The following HIPK3 variants were observed in gnomAD, a reference collection of about 807,000 sequenced individuals.
The protein encoded by HIPK3 is homeodomain-interacting protein kinase 3.
In HIPK3, 47 loss-of-function variants were observed where a neutral mutation model predicts 124.2. That is an observed-to-expected ratio of 0.38 (90% CI 0.30 to 0.48). The LOEUF (loss-of-function observed/expected upper bound fraction) is 0.48, where lower values mean the gene tolerates loss of function less well. HIPK3 is among the 20% of genes least tolerant of loss of function. The pLI, the probability that HIPK3 is intolerant of heterozygous loss-of-function variation, is 0.98. For missense variants in HIPK3, 1,286 were observed against 1,454.3 expected (o/e 0.88, Z 1.88); for synonymous variants, 482 against 515.2 (o/e 0.94, Z 0.87).
intron 2 of HIPK3, among the ~76,000 whole-genome samples, chr11:33,290,400 AAGAATAGT>A (rs1475144883): frequency 6.6e-6 from 1 of 151,994 alleles, no homozygotes; most frequent in South Asian, 2.1e-4. Context: ...ACAGTATGAG[AAGAATAGT>A]AGTTTTTGTT....
intron 1 of HIPK3, among the ~76,000 whole-genome samples, chr11:33,283,867 G>C (rs1324272655): frequency 6.6e-6 from 1 of 151,856 alleles, no homozygotes; most frequent in Non-Finnish European, 1.5e-5. Flanking sequence ...TAGAGAAGGG[G>C]TTTCACCATG....
chr11:33,293,646 A>G (rs1420583328), intron 2 of HIPK3, among the ~76,000 whole-genome samples: 1 of 151,838 alleles, frequency 6.6e-6, no homozygotes, highest in African/African-American at 2.4e-5. Context: ...GTGTAGATAT[A>G]TACCACATTT....
chr11:33,344,138 A>G (rs1853425020), intron 8 of HIPK3, among the ~76,000 whole-genome samples: 1 of 152,198 alleles, frequency 6.6e-6, no homozygotes, highest in Non-Finnish European at 1.5e-5. Flanking sequence ...CTACCTACCT[A>G]CCTACAGTGC....
At position 33,356,579 on chromosome 11, in the gene HIPK3, C is replaced by A. The variant is rs1274885698; in HGVS notation, c.*3011C>A. On this transcript the variant is annotated 3_prime_UTR_variant, in exon 17 of 17. Transcript: ENST00000303296. ...AGCAAAACATTTTCATTTTTAAAAT[C>A]TGCTAATTTTAAACTTGGACTGTGT... The A allele has an allele frequency of 6.6e-6, 1 of 151,490 alleles. No individual in the cohort carries two copies. The highest frequency in any genetic ancestry group is 2.4e-5 in the African/African-American group (1 of 41,222). The allele number at this position is 151,490 out of a possible 1,614,324, so 9.4% of individuals were successfully genotyped here.
chr11:33,309,137 T>TTTTA (rs779922093), intron 2 of HIPK3, among the ~76,000 whole-genome samples: 1 of 152,250 alleles, frequency 6.6e-6, no homozygotes, highest in South Asian at 2.1e-4. Flanking sequence ...GGGATTATCT[T>TTTTA]TTTATTTATT....
At chr11:33,258,287 C>G in intron 1 of HIPK3, 1 of 984,966 alleles carries the variant, frequency 1.0e-6, no homozygotes, top group Non-Finnish European at 1.2e-6. Context: ...AGCCTCTCTT[C>G]CCCCTCCGCA....
In HIPK3 at chr11:33,353,309, C is replaced by A; in HGVS notation, c.3389C>A (p.Ala1130Asp). 1.2e-6 allele frequency: 2 copies of A among 1,614,184 alleles called. No homozygotes were observed. Among genetic ancestry groups the A allele is most frequent in the East Asian group, 4.5e-5 (2 of 44,884 alleles). ...PYPSSATLSS[A>D]APVAHLLASP... ...CCATCATCAGCCACCCTCAGTAGTG[C>A]TGCACCAGTGGCCCACCTGTTAGCC... Residue 1130 changes from alanine (A) to aspartate (D), a missense_variant, in exon 17 of 17, where the codon GCT becomes GAT. By Grantham distance (126) the Ala-to-Asp change is moderately radical (BLOSUM62 -2). This residue lies in a region of HIPK3 where 810 missense variants were observed against 864.9 expected (regional missense o/e 0.94). Coordinates refer to ENST00000303296, the MANE Select transcript of HIPK3 (RefSeq NM_005734.5).
chr11:33,328,759 G>A (rs1301062776), intron 3 of HIPK3, 126 bp downstream of exon 3: 4 of 749,486 alleles, frequency 5.3e-6, no homozygotes, highest in Non-Finnish European at 4.1e-6. Context: ...GGCAGAATCT[G>A]GGATCTTGTA....
rs1389347541 is a variant in HIPK3 at position 33,356,757 on chromosome 11, A to G, written c.*3189A>G. ...CTTTGGTTTATTTGTTTTTGCTTTT[A>G]CTCCTATGCTACACTAGTTTGCCAT... On this transcript the variant is annotated 3_prime_UTR_variant, in exon 17 of 17. Coordinates refer to ENST00000303296, the MANE Select transcript of HIPK3 (RefSeq NM_005734.5). 6.6e-6 allele frequency: 1 copy of G among 152,000 alleles called. No individual in the cohort carries two copies. The highest frequency in any genetic ancestry group is 1.5e-5 in the Non-Finnish European group (1 of 67,936). 9.4% of individuals were successfully genotyped at this position (152,000 alleles called of 1,614,324 possible).
At chr11:33,267,412 G>A (rs955245117) in intron 1 of HIPK3, among the ~76,000 whole-genome samples, 3 of 148,688 alleles carry the variant, frequency 2.0e-5, no homozygotes, top group African/African-American at 7.4e-5. Context: ...TGTGCCCGGC[G>A]CACATTACAA....
intron 2 of HIPK3, among the ~76,000 whole-genome samples, chr11:33,292,415 G>T (rs1264552573): frequency 6.6e-6 from 1 of 152,122 alleles, no homozygotes. Flanking sequence ...GAAATGCCAG[G>T]GTGGAGAGGT....
intron 1 of HIPK3, among the ~76,000 whole-genome samples, chr11:33,278,727 C>G (rs1851334011): frequency 6.6e-6 from 1 of 151,984 alleles, no homozygotes; most frequent in Non-Finnish European, 1.5e-5. Flanking sequence ...GCCTGTAGTC[C>G]CAGCTACTCG....
chr11:33,278,768 C>T (rs529036394), intron 1 of HIPK3, among the ~76,000 whole-genome samples: 62 of 151,832 alleles, frequency 4.1e-4, no homozygotes, highest in African/African-American at 1.4e-3. Flanking sequence ...GGCGTGAACC[C>T]GGGAGGTGGA....
intron 2 of HIPK3, among the ~76,000 whole-genome samples, chr11:33,311,975 T>TACACACACACACACACACACACACACAC (rs71034672): frequency 7.3e-6 from 1 of 136,970 alleles, no homozygotes; most frequent in African/African-American, 2.7e-5. Flanking sequence ...ACCCTGTTTC[T>TACACACACACACACACACACACACACAC]ACACACACAC....
intron 1 of HIPK3, among the ~76,000 whole-genome samples, chr11:33,273,864 ATATT>A (rs1851203929): frequency 6.6e-6 from 1 of 152,190 alleles, no homozygotes; most frequent in Non-Finnish European, 1.5e-5. Flanking sequence ...ATGCAGTTAA[ATATT>A]TATCTTTTCA....
chr11:33,334,775 G>T (rs1017598705), intron 3 of HIPK3, among the ~76,000 whole-genome samples: 27 of 152,142 alleles, frequency 1.8e-4, no homozygotes, highest in African/African-American at 6.5e-4. Context: ...GGCAGTAAAG[G>T]GTTATTAAGT....
At chr11:33,328,764 C>T (rs1852884229) in intron 3 of HIPK3, 131 bp downstream of exon 3, 1 of 701,980 alleles carries the variant, frequency 1.4e-6, no homozygotes, top group South Asian at 2.6e-5. Flanking sequence ...AATCTGGGAT[C>T]TTGTAGAATT....
At chr11:33,345,647 A>G (rs1180307453) in intron 8 of HIPK3, among the ~76,000 whole-genome samples, 2 of 151,562 alleles carry the variant, frequency 1.3e-5, no homozygotes, top group Admixed American at 6.6e-5. Flanking sequence ...GATTGTCTAT[A>G]TATTGCAATA....
At chr11:33,267,004 A>AT (rs983046022) in intron 1 of HIPK3, among the ~76,000 whole-genome samples, 3 of 152,100 alleles carry the variant, frequency 2.0e-5, no homozygotes, top group Admixed American at 2.0e-4. Context: ...AGGGAATTCT[A>AT]TTAGGCTTGC....
Sources: allele counts gnomAD v4.1 joint callset (sites outside exome capture counted in the v4.1 genomes callset), GRCh38; gene constraint gnomAD v4.1.1; regional missense constraint gnomAD v4.1.1; transcripts MANE v1.5; gene names NCBI Gene and HGNC (gene_info 2026-07-23, HGNC 2026-07-21).